The following PCDHA6 variants were observed in gnomAD, a reference collection of about 807,000 sequenced individuals.
The protein encoded by PCDHA6 is protocadherin alpha-6.
A neutral mutation model predicts 60.3 loss-of-function variants in PCDHA6; 55 were observed. The observed-to-expected ratio is 0.91, with a 90% CI of 0.73 to 1.14. PCDHA6 has a LOEUF of 1.14. Among genes scored for constraint, PCDHA6 ranks in the 50% most tolerant of loss-of-function variants. PCDHA6 has a pLI of 0.00. For missense variants in PCDHA6, 1,327 were observed against 1,256.5 expected (o/e 1.06, Z -0.85); for synonymous variants, 652 against 557.9 (o/e 1.17, Z -2.38).
At chr5:140,968,346 C>A in intron 1 of PCDHA6, 2 of 1,614,090 alleles carry the variant, frequency 1.2e-6, no homozygotes, top group Non-Finnish European at 1.7e-6. Context: ...ATTAACAGTG[C>A]CAGTGGCAGC....
chr5:140,850,468 C>A, intron 1 of PCDHA6: 2 of 1,597,912 alleles, frequency 1.3e-6, no homozygotes, highest in Non-Finnish European at 8.6e-7. Flanking sequence ...GGGGAGCCAG[C>A]GCTGACGGCC....
In PCDHA6 at chr5:140,828,280, G is replaced by T; in HGVS notation, c.189G>T (p.Leu63=). ...GLELAELVPR[L]FRMASKDRED... ...AGCTGGCGGAGCTGGTGCCGCGCCT[G>T]TTCAGGATGGCCTCCAAAGACCGCG... Residue 63 remains leucine (L), a synonymous_variant, in exon 1 of 4, where the codon CTG becomes CTT. Coordinates refer to ENST00000529310, the MANE Select transcript of PCDHA6 (RefSeq NM_018909.4). 1.2e-6 allele frequency: 2 copies of T among 1,614,102 alleles called. No individual in the cohort carries two copies. Among genetic ancestry groups the T allele is most frequent in the Non-Finnish European group, 1.7e-6 (2 of 1,180,046 alleles).
intron 1 of PCDHA6, chr5:140,849,708 T>C (rs2150445968): frequency 6.3e-7 from 1 of 1,598,586 alleles, no homozygotes; most frequent in East Asian, 2.2e-5. Flanking sequence ...CAAGAATTAC[T>C]ACTCGTTGGT....
rs183412283 is a variant in PCDHA6 at position 140,968,329 on chromosome 5, T to C, written c.2395-10620T>C. On this transcript the variant is annotated intron_variant, in intron 1 of 3. Transcript: ENST00000529310. ...TTCAAGGGCTGCCAGTCACCTCCTA[T>C]GTCTCCATTAACAGTGCCAGTGGCA... is the stretch of plus-strand genomic sequence containing the variant. 7.7e-5 allele frequency: 125 copies of C among 1,614,150 alleles called. 1 individual carries two copies. In the East Asian group the frequency reaches 2.7e-3, roughly 34 times the overall value.
At chr5:140,897,050 G>C (rs1269082503) in intron 1 of PCDHA6, among the ~76,000 whole-genome samples, 1 of 152,014 alleles carries the variant, frequency 6.6e-6, no homozygotes, top group African/African-American at 2.4e-5. Flanking sequence ...CTATTCTGCT[G>C]TCAAATACTA....
chr5:140,884,529 G>C lies in PCDHA6; in HGVS notation c.2394+54044G>C. On this transcript the variant is annotated intron_variant, in intron 1 of 3. Transcript: ENST00000529310. Reference sequence around the variant, plus strand: ...GGGAGTTGGTCGTACTCGCAGCAGAGGCGGCCGAGGGTGTGCTCTGGGGAG... The same window carrying C: ...GGGAGTTGGTCGTACTCGCAGCAGACGCGGCCGAGGGTGTGCTCTGGGGAG... 2.5e-6 allele frequency: 4 copies of C among 1,614,068 alleles called. No individual in the cohort carries two copies. Among genetic ancestry groups the C allele is most frequent in the Non-Finnish European group, 3.4e-6 (4 of 1,179,986 alleles).
intron 1 of PCDHA6, among the ~76,000 whole-genome samples, chr5:140,942,875 C>A (rs1003014974): frequency 2.0e-5 from 3 of 151,896 alleles, no homozygotes; most frequent in African/African-American, 7.3e-5. Flanking sequence ...AGCATGACAA[C>A]TTTTTTCCTA....
At chr5:140,852,737 C>A in intron 1 of PCDHA6, 1 of 983,808 alleles carries the variant, frequency 1.0e-6, no homozygotes, top group Non-Finnish European at 1.2e-6. Context: ...GTTTCATGTG[C>A]CATTTAAACT....
chr5:140,868,138 A>G (rs1436780455), intron 1 of PCDHA6: 7 of 152,142 alleles, frequency 4.6e-5, no homozygotes, highest in African/African-American at 1.4e-4. Context: ...CTGTCATATC[A>G]TTGATTCTGT....
At chr5:140,912,237 A>T (rs2075827332) in intron 1 of PCDHA6, among the ~76,000 whole-genome samples, 2 of 152,122 alleles carry the variant, frequency 1.3e-5, no homozygotes, top group South Asian at 4.2e-4. Flanking sequence ...CACTGACTCA[A>T]ATGTTAATCT....
At chr5:140,973,007 G>T (rs2096567856) in intron 1 of PCDHA6, among the ~76,000 whole-genome samples, 1 of 152,160 alleles carries the variant, frequency 6.6e-6, no homozygotes, top group Non-Finnish European at 1.5e-5. Context: ...TGTGGTCGTG[G>T]TGTTGTGATT....
intron 1 of PCDHA6, chr5:140,881,407 A>G (rs2058705270): frequency 1.0e-6 from 1 of 956,680 alleles, no homozygotes; most frequent in South Asian, 4.8e-5. Flanking sequence ...TATTAAATCA[A>G]TAGGATATTA....
chr5:140,903,884 A>C (rs1466107424), intron 1 of PCDHA6, among the ~76,000 whole-genome samples: 1 of 152,214 alleles, frequency 6.6e-6, no homozygotes, highest in Non-Finnish European at 1.5e-5. Context: ...AAGACATTGA[A>C]TCTTGACCTG....
chr5:140,941,960 A>G (rs569784391), intron 1 of PCDHA6, among the ~76,000 whole-genome samples: 6 of 152,354 alleles, frequency 3.9e-5, no homozygotes, highest in African/African-American at 1.4e-4. Flanking sequence ...AAACAATAGT[A>G]TCTTTACTTT....
rs1263397985 is a variant in PCDHA6 at position 140,829,834 on chromosome 5, G to A, written c.1743G>A (p.Val581=). 2.5e-6 allele frequency: 4 copies of A among 1,613,810 alleles called. No individual in the cohort carries two copies. Among genetic ancestry groups the A allele is most frequent in the African/African-American group, 2.7e-5 (2 of 74,944 alleles). Residue 581 remains valine (V), a synonymous_variant, in exon 1 of 4, where the codon GTG becomes GTA. Coordinates refer to ENST00000529310, the MANE Select transcript of PCDHA6 (RefSeq NM_018909.4). ...CTGGTGGTGCAGTGAGCGAGCTGGT[G>A]CCGCGGTCACTGGGTGCAGGCCAAG... The part of the protein sequence containing the change: ...GGTGGAVSEL[V]PRSLGAGQVV...
rs553749529 is a variant in PCDHA6, at chr5:140,931,877, G to C, written c.2395-47072G>C. 3.3e-5 allele frequency among the ~76,000 whole-genome samples: 5 copies of C among 151,886 alleles called. No individual in the cohort carries two copies. The South Asian group carries it at 8.3e-4, about 25-fold the overall frequency. The stretch of plus-strand genomic sequence containing the variant: ...GGATTCTAGAAATAAAATATTTATT[G>C]CTTTCATTTTATTTCAAATCATTTG... On this transcript the variant is annotated intron_variant, in intron 1 of 3. Coordinates refer to ENST00000529310, the MANE Select transcript of PCDHA6 (RefSeq NM_018909.4).
At chr5:140,846,383 T>C (rs1416297479) in intron 1 of PCDHA6, among the ~76,000 whole-genome samples, 1 of 137,386 alleles carries the variant, frequency 7.3e-6, no homozygotes, top group African/African-American at 2.6e-5. Flanking sequence ...CTTTTTTTTT[T>C]TTTTTTTTTG....
chr5:140,893,882 C>G (rs2064212921), intron 1 of PCDHA6, among the ~76,000 whole-genome samples: 1 of 152,140 alleles, frequency 6.6e-6, no homozygotes, highest in Non-Finnish European at 1.5e-5. Flanking sequence ...CCAAAGTGGC[C>G]AGAAAGTTAC....
At chr5:140,968,539 C>T (rs781815829) in intron 1 of PCDHA6, 30 of 1,614,078 alleles carry the variant, frequency 1.9e-5, no homozygotes, top group East Asian at 6.7e-5. Context: ...CAGCAGCCTT[C>T]GAGATGGTGC....
Sources: allele counts gnomAD v4.1 joint callset (sites outside exome capture counted in the v4.1 genomes callset), GRCh38; gene constraint gnomAD v4.1.1; transcripts MANE v1.5; gene names NCBI Gene and HGNC (gene_info 2026-07-23, HGNC 2026-07-21).